ASAP1: variants seen among roughly 807,000 people sequenced by gnomAD.
ASAP1 encodes arf-GAP with SH3 domain, ANK repeat and PH domain-containing protein 1.
Under a neutral mutation model 145.2 loss-of-function variants are expected in ASAP1, and 43 were observed. The observed-to-expected ratio is 0.30, with a 90% CI of 0.23 to 0.38. The LOEUF (loss-of-function observed/expected upper bound fraction) is 0.38. Among genes scored for constraint, ASAP1 ranks in the 10% least tolerant of loss-of-function variants. The pLI, the probability that ASAP1 is intolerant of heterozygous loss-of-function variation, is 1.00. For synonymous variants in ASAP1, 546 were observed against 515.5 expected (o/e 1.06, Z -0.80); for missense variants, 1,018 against 1,355.3 (o/e 0.75, Z 3.91).
chr8:130,379,698 GA>G (rs1212245760), intron 2 of ASAP1, among the ~76,000 whole-genome samples: 1 of 152,168 alleles, frequency 6.6e-6, no homozygotes, highest in African/African-American at 2.4e-5. Flanking sequence ...ATTGCACCTG[GA>G]AACACTCTAC....
At position 130,115,824 on chromosome 8, in the gene ASAP1, C is replaced by A. The variant is rs1247472556; in HGVS notation, c.2065-89G>T. 6.2e-6 allele frequency: 6 copies of A among 963,290 alleles called. No homozygotes were observed. In the East Asian group the frequency reaches 1.4e-4, roughly 23 times the overall value. 59.7% of individuals were successfully genotyped at this position (963,290 alleles called of 1,614,324 possible). On this transcript the variant is annotated intron_variant, in intron 22 of 29. Transcript: ENST00000518721. ...AACACTGAGCAAATCCCACCTTATT[C>A]CTAGTTTTCAATGAATCATCTGTAG...
chr8:130,175,192 C>A (rs1327330803), intron 9 of ASAP1, among the ~76,000 whole-genome samples: 2 of 152,016 alleles, frequency 1.3e-5, no homozygotes, highest in Non-Finnish European at 2.9e-5. Flanking sequence ...TGTTGAGCAC[C>A]TTTTCACGTG....
intron 5 of ASAP1, among the ~76,000 whole-genome samples, chr8:130,208,990 T>C (rs994446386): frequency 3.3e-5 from 5 of 152,220 alleles, no homozygotes; most frequent in African/African-American, 1.2e-4. Context: ...ATTATAGTTA[T>C]CTTTGATTAG....
intron 25 of ASAP1, among the ~76,000 whole-genome samples, chr8:130,088,606 A>G (rs1245206328): frequency 6.6e-6 from 1 of 152,194 alleles, no homozygotes; most frequent in Non-Finnish European, 1.5e-5. Context: ...CTCTGGAGGG[A>G]GCAAAACCCT....
At chr8:130,428,872 T>C (rs1587034694) in intron 1 of ASAP1, among the ~76,000 whole-genome samples, 2 of 152,166 alleles carry the variant, frequency 1.3e-5, no homozygotes, top group African/African-American at 4.8e-5. Flanking sequence ...CAAAATTGGA[T>C]GGCTTAAAAG....
chr8:130,264,074 G>T (rs983043457), intron 3 of ASAP1, among the ~76,000 whole-genome samples: 1 of 152,206 alleles, frequency 6.6e-6, no homozygotes, highest in Non-Finnish European at 1.5e-5. Context: ...TGATGGACAG[G>T]ACATGGTGTG....
intron 2 of ASAP1, among the ~76,000 whole-genome samples, chr8:130,379,172 A>G (rs994169207): frequency 2.6e-5 from 4 of 152,182 alleles, no homozygotes; most frequent in African/African-American, 9.6e-5. Context: ...AGGAGCTTCT[A>G]GTGGGTGAGC....
chr8:130,125,524 C>T (rs1014134890), intron 17 of ASAP1, among the ~76,000 whole-genome samples: 4 of 151,950 alleles, frequency 2.6e-5, no homozygotes, highest in Non-Finnish European at 2.9e-5. Context: ...GTTAACAAGC[C>T]ACTTGTAATT....
At chr8:130,244,986 T>C (rs1045221016) in intron 3 of ASAP1, among the ~76,000 whole-genome samples, 2 of 151,894 alleles carry the variant, frequency 1.3e-5, no homozygotes, top group African/African-American at 4.8e-5. Flanking sequence ...AGGTGTGGAG[T>C]GCTAAGAATC....
chr8:130,116,857 GAAGACACT>G lies in ASAP1; in HGVS notation c.1996+15_1996+22del. ...TGCAACACACGCTTACTACAGTCAT[GAAGACACT>G]AGACACACTCTTACCTATATCCACA... On this transcript the variant is annotated intron_variant, in intron 21 of 29. Transcript: ENST00000518721. 6.3e-7 allele frequency: 1 copy of G among 1,593,896 alleles called. No homozygotes were observed. Among genetic ancestry groups the G allele is most frequent in the East Asian group, 2.2e-5 (1 of 44,760 alleles).
chr8:130,078,182 G>A (rs917313557), intron 26 of ASAP1, among the ~76,000 whole-genome samples: 5 of 152,018 alleles, frequency 3.3e-5, no homozygotes, highest in African/African-American at 1.2e-4. Context: ...TACAGACGGG[G>A]TTTCACCATG....
At chr8:130,416,325 G>A (rs1334528810) in intron 1 of ASAP1, among the ~76,000 whole-genome samples, 3 of 152,208 alleles carry the variant, frequency 2.0e-5, no homozygotes, top group Non-Finnish European at 2.9e-5. Flanking sequence ...GAAAACTTCA[G>A]GGAAACAAGA....
intron 4 of ASAP1, among the ~76,000 whole-genome samples, chr8:130,217,479 A>G (rs991348280): frequency 9.2e-5 from 14 of 151,916 alleles, no homozygotes; most frequent in African/African-American, 3.4e-4. Flanking sequence ...ACGTATATAT[A>G]CACACGTATA....
chr8:130,425,078 C>T (rs1233238075), intron 1 of ASAP1, among the ~76,000 whole-genome samples: 6 of 151,880 alleles, frequency 4.0e-5, no homozygotes, highest in Admixed American at 2.0e-4. Context: ...TCCCTGTAAT[C>T]CCAACACTTT....
At chr8:130,227,689 T>C (rs929867421) in intron 4 of ASAP1, among the ~76,000 whole-genome samples, 2 of 150,460 alleles carry the variant, frequency 1.3e-5, no homozygotes, top group Non-Finnish European at 3.0e-5. Flanking sequence ...ACACAGTATA[T>C]AGTATAGATA....
In ASAP1 at chr8:130,080,639, C is replaced by CT. The variant is rs929629920; in HGVS notation, c.2573-669dup. Among the ~76,000 whole-genome samples the CT allele has an allele frequency of 5.2e-4, 77 of 147,616 alleles. 1 individual carries two copies. The highest frequency in any genetic ancestry group is 4.1e-3 in the East Asian group (21 of 5,064). ...ACAGGGGCATTCATTCAAATATTAA[C>CT]TTTTTTTTTTTGAGATGGAGTCTCA... On this transcript the variant is annotated intron_variant, in intron 25 of 29. Transcript: ENST00000518721.
chr8:130,170,727 C>G (rs1362457200), intron 9 of ASAP1, among the ~76,000 whole-genome samples: 1 of 150,864 alleles, frequency 6.6e-6, no homozygotes. Flanking sequence ...ACATGTAAAG[C>G]CTCATCTCTC....
chr8:130,282,169 C>A (rs1240957397), intron 3 of ASAP1, among the ~76,000 whole-genome samples: 1 of 151,910 alleles, frequency 6.6e-6, no homozygotes, highest in Non-Finnish European at 1.5e-5. Context: ...TAATTAGAAT[C>A]CAATTTGATT....
intron 2 of ASAP1, among the ~76,000 whole-genome samples, chr8:130,384,639 C>G (rs1405408271): frequency 1.3e-5 from 2 of 152,186 alleles, no homozygotes; most frequent in East Asian, 3.9e-4. Context: ...CGCCACCATG[C>G]CCGGCTAATG....
Sources: allele counts gnomAD v4.1 joint callset (sites outside exome capture counted in the v4.1 genomes callset), GRCh38; gene constraint gnomAD v4.1.1; transcripts MANE v1.5; gene names NCBI Gene and HGNC (gene_info 2026-07-23, HGNC 2026-07-21).